Variants in OSBPL3 observed in about 807,000 individuals in gnomAD.
The protein encoded by OSBPL3 is oxysterol binding protein like 3, also known as oxysterol-binding protein-related protein 3.
Under a neutral mutation model 120.1 loss-of-function variants are expected in OSBPL3, and 65 were observed. The ratio of observed to expected loss-of-function variants is 0.54; its 90% CI spans 0.44 to 0.67. OSBPL3 has a LOEUF of 0.67. OSBPL3 is among the 30% of genes least tolerant of loss of function. OSBPL3 has a pLI of 0.00. For missense variants in OSBPL3, 1,004 were observed against 1,082.1 expected (o/e 0.93, Z 1.01); for synonymous variants, 416 against 402.6 (o/e 1.03, Z -0.40).
chr7:24,934,609 C>T lies in OSBPL3; in HGVS notation c.-149-41988G>A, dbSNP rs1859110. 4.4e-3 allele frequency among the ~76,000 whole-genome samples: 673 copies of T among 152,226 alleles called. 8 individuals are homozygous for T. Among genetic ancestry groups the T allele is most frequent in the African/African-American group, 0.016 (645 of 41,546 alleles). On this transcript the variant is annotated intron_variant, in intron 1 of 22. Coordinates refer to ENST00000313367, the MANE Select transcript of OSBPL3 (RefSeq NM_015550.4). ...AATCGGATTAGAAATCAGGATGAAC[C>T]ATATCAAGGAAACTCAGCATAACTA...
Position 24,968,528 on chromosome 7 carries a change from C to G in OSBPL3, c.-150+11358G>C, listed in dbSNP as rs1816641993. On this transcript the variant is annotated intron_variant, in intron 1 of 22. Coordinates refer to ENST00000313367, the MANE Select transcript of OSBPL3 (RefSeq NM_015550.4). This position sits in a 1 kb window ranked among gnomAD's most constrained non-coding sequence, Gnocchi z 4.6. The stretch of plus-strand genomic sequence containing the variant: ...TCTCCTGCCTCCACCTCCTGCGTAG[C>G]CGGGATTACAGGCACACACCACCAC... 6.6e-6 allele frequency among the ~76,000 whole-genome samples: 1 copy of G among 152,196 alleles called. No individual in the cohort carries two copies. The highest frequency in any genetic ancestry group is 2.1e-4 in the South Asian group (1 of 4,830).
rs576809931 is a variant in OSBPL3 at position 24,946,120 on chromosome 7, A to G, written c.-150+33766T>C. On this transcript the variant is annotated intron_variant, in intron 1 of 22. Transcript: ENST00000313367. This position sits in a 1 kb window ranked among gnomAD's most constrained non-coding sequence, Gnocchi z 4.3. ...GGCTCCCTCCCAAGGCTGGTAGTCA[A>G]TGCCGGCTGTCAGCTGGGAGCTCAG... 1.3e-5 allele frequency among the ~76,000 whole-genome samples: 2 copies of G among 152,026 alleles called. No homozygotes were observed. The highest frequency in any genetic ancestry group is 6.5e-5 in the Admixed American group (1 of 15,270).
upstream of OSBPL3, among the ~76,000 whole-genome samples, chr7:24,981,213 A>G (rs1818306702): frequency 6.6e-6 from 1 of 152,188 alleles, no homozygotes; most frequent in Admixed American, 6.5e-5. The surrounding 1 kb of genome is among the most constrained non-coding windows in gnomAD (Gnocchi z 7.3). Context: ...GGCCAAGTCC[A>G]CTTTCGAAAG....
At chr7:24,981,574 A>G (rs549612695), upstream of OSBPL3, 1 of 152,482 alleles carries the variant, frequency 6.6e-6, no homozygotes, top group South Asian at 2.1e-4. The surrounding 1 kb of genome is among the most constrained non-coding windows in gnomAD (Gnocchi z 7.3). Context: ...TATTCTGTTC[A>G]CATTTCATTC....
At position 24,921,019 on chromosome 7, in the gene OSBPL3, C is replaced by T. The variant is rs113437176; in HGVS notation, c.-149-28398G>A. ...AAAGGCTTTCTTCTATCCCAAGAGG[C>T]AGCACCAGCTTAGATCTCTGAGCAT... is the stretch of plus-strand genomic sequence containing the variant. On this transcript the variant is annotated intron_variant, in intron 1 of 22. Coordinates refer to ENST00000313367, the MANE Select transcript of OSBPL3 (RefSeq NM_015550.4). Among the ~76,000 whole-genome samples the T allele has an allele frequency of 1.9e-3, 289 of 152,290 alleles. 1 individual carries two copies. The highest frequency in any genetic ancestry group is 3.4e-3 in the Non-Finnish European group (234 of 68,020).
chr7:24,924,507 A>T (rs1584636306), intron 1 of OSBPL3, among the ~76,000 whole-genome samples: 1 of 152,310 alleles, frequency 6.6e-6, no homozygotes, highest in East Asian at 1.9e-4. Context: ...TCCTACACAG[A>T]ACTGGTTCTA....
At position 24,933,726 on chromosome 7, in the gene OSBPL3, T is replaced by A. The variant is rs1812063999; in HGVS notation, c.-149-41105A>T. Among the ~76,000 whole-genome samples the A allele has an allele frequency of 6.6e-6, 1 of 152,232 alleles. No individual in the cohort carries two copies. The highest frequency in any genetic ancestry group is 2.1e-4 in the South Asian group (1 of 4,838). ...GCAAGTATTTGCCTATGCTCTCAGT[T>A]CTGATCATAAGTTGATATTTAAATA... On this transcript the variant is annotated intron_variant, in intron 1 of 22. Transcript: ENST00000313367. The surrounding 1 kb of genome is among the most constrained non-coding windows in gnomAD (Gnocchi z 5.1).
At position 24,955,179 on chromosome 7, in the gene OSBPL3, A is replaced by G. The variant is rs963369475; in HGVS notation, c.-150+24707T>C. On this transcript the variant is annotated intron_variant, in intron 1 of 22. Coordinates refer to ENST00000313367, the MANE Select transcript of OSBPL3 (RefSeq NM_015550.4). This position sits in a 1 kb window ranked among gnomAD's most constrained non-coding sequence, Gnocchi z 4.3. Reference sequence around the variant, plus strand: ...TCTGGCACATAACAGACTTCCAAAAAATTATTTTTGAATTAATAAAGTTAT... The same window carrying G: ...TCTGGCACATAACAGACTTCCAAAAGATTATTTTTGAATTAATAAAGTTAT... Among the ~76,000 whole-genome samples the G allele has an allele frequency of 6.6e-6, 1 of 152,208 alleles. No individual in the cohort carries two copies. The highest frequency in any genetic ancestry group is 1.5e-5 in the Non-Finnish European group (1 of 68,034).
At position 24,872,195 on chromosome 7, in the gene OSBPL3, G is replaced by A; in HGVS notation, c.97-126C>T. 1.5e-6 allele frequency: 1 copy of A among 674,874 alleles called. No homozygotes were observed. Among genetic ancestry groups the A allele is most frequent in the Non-Finnish European group, 2.6e-6 (1 of 378,408 alleles). 41.8% of individuals were successfully genotyped at this position (674,874 alleles called of 1,614,324 possible). A position where few individuals can be genotyped will look rare whatever the true frequency, so the allele number is the denominator to read the frequency against. ...GGCTGGCTGGGTTTGTTGGGGAGAA[G>A]AAATCCAAATTTAATTTCCATACAG... On this transcript the variant is annotated intron_variant, in intron 2 of 22. Coordinates refer to ENST00000313367, the MANE Select transcript of OSBPL3 (RefSeq NM_015550.4). The surrounding 1 kb of genome is among the most constrained non-coding windows in gnomAD (Gnocchi z 4.1).
In OSBPL3 at chr7:24,806,680, T is replaced by C. The variant is rs1307158905; in HGVS notation, c.2444+96A>G. 4 of 1,140,756 alleles carry C rather than the reference T, an allele frequency of 3.5e-6. No homozygotes were observed. The Admixed American group carries it at 9.2e-5, about 26-fold the overall frequency. 70.7% of individuals were successfully genotyped at this position (1,140,756 alleles called of 1,614,324 possible). ...TCAATTCCTGATGACATTTTCCACC[T>C]TTCTCAGGTGCCTCTGGTGGCCTAA... On this transcript the variant is annotated intron_variant, in intron 21 of 22. Coordinates refer to ENST00000313367, the MANE Select transcript of OSBPL3 (RefSeq NM_015550.4). This position sits in a 1 kb window ranked among gnomAD's most constrained non-coding sequence, Gnocchi z 5.2.
chr7:24,957,205 A>T (rs1463125819), intron 1 of OSBPL3, among the ~76,000 whole-genome samples: 1 of 151,858 alleles, frequency 6.6e-6, no homozygotes. Flanking sequence ...CACTTTGCAG[A>T]GACATGGCAG....
rs567652518 is a variant in OSBPL3, at chr7:24,831,160, C to T, written c.1747-255G>A. Among the ~76,000 whole-genome samples the T allele has an allele frequency of 3.3e-5, 5 of 152,198 alleles. No individual in the cohort carries two copies. In the South Asian group the frequency reaches 1.0e-3, roughly 32 times the overall value. ...TAAAAGTTGGGAGATGCTATAAAGA[C>T]GATGACATTTCTAAACTGGACTACA... On this transcript the variant is annotated intron_variant, in intron 15 of 22. Coordinates refer to ENST00000313367, the MANE Select transcript of OSBPL3 (RefSeq NM_015550.4). The surrounding 1 kb of genome is among the most constrained non-coding windows in gnomAD (Gnocchi z 4.0).
chr7:24,816,783 C>A, intron 17 of OSBPL3, 95 bp from the exon 18 acceptor site: 1 of 804,108 alleles, frequency 1.2e-6, no homozygotes, highest in Non-Finnish European at 2.2e-6. Flanking sequence ...CTATATAGTA[C>A]AACCTCTTCA....
chr7:24,810,197 G>A (rs1296564283), intron 19 of OSBPL3: 2 of 434,890 alleles, frequency 4.6e-6, no homozygotes, highest in Non-Finnish European at 8.3e-6. Flanking sequence ...ATTAACATAT[G>A]TATTACCTTA....
intron 1 of OSBPL3, among the ~76,000 whole-genome samples, chr7:24,905,698 T>C (rs1255289602): frequency 6.6e-6 from 1 of 152,152 alleles, no homozygotes; most frequent in Non-Finnish European, 1.5e-5. Flanking sequence ...TTCTCTTTGA[T>C]AGGAAGAGGG....
intron 19 of OSBPL3, 140 bp from the exon 20 acceptor site, chr7:24,810,091 G>GT (rs1023368036): frequency 2.4e-6 from 2 of 831,810 alleles, no homozygotes; most frequent in Non-Finnish European, 1.9e-6. Context: ...TCTGGGTTCC[G>GT]TTTTTTTAAC....
intron 1 of OSBPL3, among the ~76,000 whole-genome samples, chr7:24,924,652 G>A (rs192889599): frequency 1.4e-4 from 22 of 152,230 alleles, no homozygotes; most frequent in African/African-American, 4.6e-4. Context: ...TGGGCTACTC[G>A]CTACCCATAC....
At position 24,800,931 on chromosome 7, in the gene OSBPL3, G is replaced by C. The variant is rs1340456056; in HGVS notation, c.2568-652C>G. On this transcript the variant is annotated intron_variant, in intron 22 of 22. Coordinates refer to ENST00000313367, the MANE Select transcript of OSBPL3 (RefSeq NM_015550.4). ...ATCAACCAGGTTGTACATAGGAAGT[G>C]GTTAACTTTTTTTTTTTTTTTTTAA... 2.7e-5 allele frequency among the ~76,000 whole-genome samples: 4 copies of C among 148,532 alleles called. No individual in the cohort carries two copies. The Admixed American group carries it at 2.7e-4, about 10-fold the overall frequency.
At chr7:24,840,960 C>T (rs1406840566) in intron 13 of OSBPL3, among the ~76,000 whole-genome samples, 177 bp from the exon 14 acceptor site, 1 of 152,184 alleles carries the variant, frequency 6.6e-6, no homozygotes, top group Non-Finnish European at 1.5e-5. Flanking sequence ...CAACAAACAC[C>T]TGTTCTTAAA....
Sources: allele counts gnomAD v4.1 joint callset (sites outside exome capture counted in the v4.1 genomes callset), GRCh38; gene constraint gnomAD v4.1.1; non-coding constraint Gnocchi (gnomAD v3.1); transcripts MANE v1.5; gene names NCBI Gene and HGNC (gene_info 2026-07-23, HGNC 2026-07-21).